Variants in EPB41 observed in about 807,000 individuals in gnomAD.
The protein encoded by EPB41 is erythrocyte membrane protein band 4.1.
EPB41 carries 65 observed loss-of-function variants against 108.0 expected under a neutral mutation model. The observed-to-expected ratio is 0.60, with a 90% confidence interval of 0.49 to 0.74. The LOEUF is 0.74. Among genes scored for constraint, EPB41 ranks in the 30% least tolerant of loss-of-function variants. The pLI is 0.00. For synonymous variants in EPB41, 336 were observed against 358.9 expected (o/e 0.94, Z 0.72); for missense variants, 875 against 1,037.0 (o/e 0.84, Z 2.15).
chr1:29,109,067 G>A (rs570125359), intron 17 of EPB41, among the ~76,000 whole-genome samples: 3 of 151,888 alleles, frequency 2.0e-5, no homozygotes, highest in South Asian at 2.1e-4. Flanking sequence ...GTGTGGTGGT[G>A]CATGCCTGTA....
At chr1:28,898,886 T>A (rs1258337589) in intron 1 of EPB41, among the ~76,000 whole-genome samples, 5 of 152,248 alleles carry the variant, frequency 3.3e-5, no homozygotes, top group Non-Finnish European at 7.3e-5. Flanking sequence ...AGCTTTATTT[T>A]TTTTTTCCTC....
chr1:28,970,526 G>T (rs2095470782), intron 1 of EPB41, among the ~76,000 whole-genome samples: 1 of 152,182 alleles, frequency 6.6e-6, no homozygotes. Flanking sequence ...AGGCTAGTAA[G>T]CATTTTATGT....
At chr1:28,900,290 CTTTT>C (rs536156004) in intron 1 of EPB41, among the ~76,000 whole-genome samples, 1 of 126,078 alleles carries the variant, frequency 7.9e-6, no homozygotes. Context: ...ACTTCTTCTT[CTTTT>C]TTTTTTTTTT....
chr1:29,072,536 A>G (rs1651947308), intron 16 of EPB41: 1 of 152,124 alleles, frequency 6.6e-6, no homozygotes, highest in South Asian at 2.1e-4. Context: ...TTCTCTTTGT[A>G]TTGGAGTTAT....
At chr1:29,103,345 C>T (rs975574383) in intron 17 of EPB41, among the ~76,000 whole-genome samples, 3 of 152,214 alleles carry the variant, frequency 2.0e-5, no homozygotes, top group African/African-American at 7.2e-5. Context: ...AATATCCTGA[C>T]ATATTAGAGA....
At chr1:29,107,022 A>G (rs944716174) in intron 17 of EPB41, among the ~76,000 whole-genome samples, 5 of 151,782 alleles carry the variant, frequency 3.3e-5, no homozygotes, top group Non-Finnish European at 5.9e-5. Flanking sequence ...TGTTTCTACT[A>G]AAAATACAGA....
chr1:29,095,935 G>T (rs1175588008), intron 16 of EPB41, among the ~76,000 whole-genome samples: 2 of 152,162 alleles, frequency 1.3e-5, no homozygotes, highest in African/African-American at 4.8e-5. Flanking sequence ...GATTAACAAT[G>T]ATATAGAAAT....
intron 1 of EPB41, among the ~76,000 whole-genome samples, chr1:28,896,829 G>A (rs55684641): frequency 0.099 from 15,061 of 152,224 alleles, 914 homozygotes; most frequent in East Asian, 0.28. Flanking sequence ...AAGGAGCAGC[G>A]ATGTGAAGTC....
intron 4 of EPB41, among the ~76,000 whole-genome samples, chr1:29,002,128 G>T (rs1378994713): frequency 8.5e-5 from 13 of 152,130 alleles, no homozygotes; most frequent in Admixed American, 8.5e-4. Context: ...TTGACATGTA[G>T]TAAGCATTCA....
In EPB41 at chr1:29,119,260, C is replaced by G. The variant is rs1022878419; in HGVS notation, c.*2448C>G. Reference sequence around the variant, plus strand: ...TCTGGCAACAGTTCTTGGGGTTTGGCAATTGTTTGGATTTTTTTTCTTTCT... The same window carrying G: ...TCTGGCAACAGTTCTTGGGGTTTGGGAATTGTTTGGATTTTTTTTCTTTCT... On this transcript the variant is annotated 3_prime_UTR_variant, in exon 21 of 21. Coordinates refer to ENST00000343067, the MANE Select transcript of EPB41 (RefSeq NM_001376013.1). 1.3e-5 allele frequency: 2 copies of G among 152,516 alleles called. No homozygotes were observed. The highest frequency in any genetic ancestry group is 4.8e-5 in the African/African-American group (2 of 41,406). 9.4% of individuals were successfully genotyped at this position (152,516 alleles called of 1,614,324 possible).
chr1:29,069,574 C>T lies in EPB41; in HGVS notation c.2184+4416C>T. 7.1e-6 allele frequency: 3 copies of T among 423,648 alleles called. No individual in the cohort carries two copies. In the South Asian group the frequency reaches 3.3e-4, roughly 46 times the overall value. The allele number at this position is 423,648 out of a possible 1,614,324, so 26.2% of individuals were successfully genotyped here. A position where few individuals can be genotyped will look rare whatever the true frequency, so the allele number is the denominator to read the frequency against. ...TCTGGAGCAAAAACTAATTGCTATA[C>T]TGAATGAACTGTTGCTTTTAAAACT... On this transcript the variant is annotated intron_variant, in intron 16 of 20. Coordinates refer to ENST00000343067, the MANE Select transcript of EPB41 (RefSeq NM_001376013.1).
chr1:29,070,724 C>G (rs1650951406), intron 16 of EPB41: 1 of 1,207,312 alleles, frequency 8.3e-7, no homozygotes, highest in Admixed American at 4.2e-5. Flanking sequence ...GTTCACTATC[C>G]TAGGGGAGCT....
At chr1:29,029,421 G>C (rs1029884745) in intron 7 of EPB41, among the ~76,000 whole-genome samples, 1 of 152,206 alleles carries the variant, frequency 6.6e-6, no homozygotes, top group African/African-American at 2.4e-5. Context: ...TTAGGGTAAA[G>C]ACAGATGGAT....
At chr1:29,102,178 G>A (rs1010322456) in intron 17 of EPB41, among the ~76,000 whole-genome samples, 3 of 152,154 alleles carry the variant, frequency 2.0e-5, no homozygotes, top group Non-Finnish European at 2.9e-5. Flanking sequence ...TCACTACCAT[G>A]GAAACAAGCT....
chr1:28,999,108 C>T (rs1315124664), intron 4 of EPB41, among the ~76,000 whole-genome samples: 8 of 152,168 alleles, frequency 5.3e-5, no homozygotes, highest in Non-Finnish European at 1.0e-4. Context: ...TGGTGGCTCA[C>T]GCCTGTAATC....
At chr1:29,088,388 C>T (rs529199321) in intron 16 of EPB41, among the ~76,000 whole-genome samples, 76 of 152,168 alleles carry the variant, frequency 5.0e-4, no homozygotes, top group African/African-American at 1.5e-3. Context: ...TTCAGGTAAG[C>T]GACATCTAGA....
chr1:29,012,278 T>C (rs1558016908), intron 5 of EPB41, among the ~76,000 whole-genome samples: 1 of 152,192 alleles, frequency 6.6e-6, no homozygotes. Flanking sequence ...ACTAGGAGTT[T>C]GCTGCCGTAT....
At chr1:29,096,062 T>C in intron 16 of EPB41, 1 of 765,676 alleles carries the variant, frequency 1.3e-6, no homozygotes, top group Non-Finnish European at 1.6e-6. Flanking sequence ...AGCAATATTT[T>C]TGAGGCTTCC....
At chr1:29,094,062 T>C (rs1274506210) in intron 16 of EPB41, among the ~76,000 whole-genome samples, 2 of 152,162 alleles carry the variant, frequency 1.3e-5, no homozygotes, top group South Asian at 2.1e-4. Flanking sequence ...AGTTTCAATA[T>C]TGTGTATATG....
Sources: allele counts gnomAD v4.1 joint callset (sites outside exome capture counted in the v4.1 genomes callset), GRCh38; gene constraint gnomAD v4.1.1; transcripts MANE v1.5; gene names NCBI Gene and HGNC (gene_info 2026-07-23, HGNC 2026-07-21).